ADGRG6: variants seen among roughly 807,000 people sequenced by gnomAD.
ADGRG6 encodes adhesion G protein-coupled receptor G6, also known as G-protein coupled receptor 126.
In ADGRG6, 84 loss-of-function variants were observed where a neutral mutation model predicts 142.4. That is an observed-to-expected ratio of 0.59 (90% CI 0.49 to 0.71). The LOEUF is 0.71. ADGRG6 is among the 30% of genes least tolerant of loss of function. ADGRG6 has a pLI of 0.00. For missense variants in ADGRG6, 1,367 were observed against 1,466.6 expected (o/e 0.93, Z 1.11); for synonymous variants, 521 against 520.5 (o/e 1.00, Z -0.01).
chr6:142,347,066 C>T (rs1779937611), intron 2 of ADGRG6, among the ~76,000 whole-genome samples: 1 of 151,944 alleles, frequency 6.6e-6, no homozygotes, highest in South Asian at 2.1e-4. Context: ...AAAGATTCAT[C>T]TAAATTAATA....
intron 22 of ADGRG6, among the ~76,000 whole-genome samples, chr6:142,422,349 A>G (rs1186675429): frequency 6.6e-6 from 1 of 151,786 alleles, no homozygotes; most frequent in Non-Finnish European, 1.5e-5. Flanking sequence ...AGAGTGTGAT[A>G]TTCCCCTTCC....
intron 2 of ADGRG6, among the ~76,000 whole-genome samples, chr6:142,315,425 G>C (rs1457999868): frequency 6.6e-6 from 1 of 151,920 alleles, no homozygotes; most frequent in Non-Finnish European, 1.5e-5. Context: ...CAGATGTAAT[G>C]AGCAAATATA....
chr6:142,395,142 A>T (rs1336511774), intron 9 of ADGRG6, among the ~76,000 whole-genome samples: 1 of 152,106 alleles, frequency 6.6e-6, no homozygotes, highest in Non-Finnish European at 1.5e-5. Context: ...TCATTTTTGT[A>T]TACATAGTAA....
At chr6:142,379,242 T>C (rs1192596170) in intron 4 of ADGRG6, among the ~76,000 whole-genome samples, 1 of 152,212 alleles carries the variant, frequency 6.6e-6, no homozygotes, top group Non-Finnish European at 1.5e-5. Flanking sequence ...TATTCTTCCT[T>C]TTTTCCTCTG....
At chr6:142,365,993 A>C (rs1583041923) in intron 2 of ADGRG6, among the ~76,000 whole-genome samples, 2 of 152,328 alleles carry the variant, frequency 1.3e-5, no homozygotes, top group Non-Finnish European at 2.9e-5. Flanking sequence ...TTGAAAGTTT[A>C]TGTGTCCATT....
chr6:142,308,609 A>T (rs558068641), intron 1 of ADGRG6, among the ~76,000 whole-genome samples: 1 of 151,650 alleles, frequency 6.6e-6, no homozygotes, highest in Non-Finnish European at 1.5e-5. Flanking sequence ...AGGCAAAGTA[A>T]CTCTCTCTCA....
chr6:142,321,286 T>C (rs1268358491), intron 2 of ADGRG6, among the ~76,000 whole-genome samples: 2 of 147,778 alleles, frequency 1.4e-5, no homozygotes, highest in African/African-American at 2.5e-5. Flanking sequence ...TAAGCATGCA[T>C]ACACACACAC....
rs1777878392 is a variant in ADGRG6, at chr6:142,444,048, C to T, written c.*533C>T. 2 of 152,182 alleles carry T rather than the reference C, an allele frequency of 1.3e-5. No homozygotes were observed. Among genetic ancestry groups the T allele is most frequent in the Non-Finnish European group, 2.9e-5 (2 of 68,034 alleles). 9.4% of individuals were successfully genotyped at this position (152,182 alleles called of 1,614,324 possible). Reference sequence around the variant, plus strand: ...CACAGGCAGAAAAGACTGTTTACTCCTTGACCCAAAGATTAAAAAGGATTT... The same window carrying T: ...CACAGGCAGAAAAGACTGTTTACTCTTTGACCCAAAGATTAAAAAGGATTT... On this transcript the variant is annotated 3_prime_UTR_variant, in exon 25 of 25. Coordinates refer to ENST00000367609, the MANE Select transcript of ADGRG6 (RefSeq NM_198569.3).
chr6:142,415,600 A>T (rs1228046903), intron 19 of ADGRG6, among the ~76,000 whole-genome samples, 196 bp from the exon 20 acceptor site: 1 of 152,196 alleles, frequency 6.6e-6, no homozygotes. Flanking sequence ...AAGTAAACTA[A>T]TATTTTTAAA....
rs1181314373 is a variant in ADGRG6 at position 142,338,017 on chromosome 6, GTTTTTTT to G, written c.103+28388_103+28394del. On this transcript the variant is annotated intron_variant, in intron 2 of 24. Coordinates refer to ENST00000367609, the MANE Select transcript of ADGRG6 (RefSeq NM_198569.3). ...AATCCTTTTTATGCCTTGTATCTTT[GTTTTTTT>G]TTTTTTTTTTTTTTGAGACGGAGTC... 4.0e-4 allele frequency among the ~76,000 whole-genome samples: 14 copies of G among 35,392 alleles called. 1 individual carries two copies. Among genetic ancestry groups the G allele is most frequent in the Non-Finnish European group, 5.2e-4 (11 of 21,222 alleles). 23.2% of individuals were successfully genotyped at this position (35,392 alleles called of 152,430 possible).
rs572285405 is a variant in ADGRG6 at position 142,415,649 on chromosome 6, C to T, written c.2670-147C>T. ...GCCAAATACTCATAAATATCCTTAG[C>T]CCCTCCTTTTAGCAGAACCACATCA... is the stretch of plus-strand genomic sequence containing the variant. On this transcript the variant is annotated intron_variant, in intron 19 of 24. Coordinates refer to ENST00000367609, the MANE Select transcript of ADGRG6 (RefSeq NM_198569.3). 15 of 599,188 alleles carry T rather than the reference C, an allele frequency of 2.5e-5. No individual in the cohort carries two copies. In the East Asian group the frequency reaches 3.6e-4, roughly 14 times the overall value. The allele number at this position is 599,188 out of a possible 1,614,324, so 37.1% of individuals were successfully genotyped here. A position where few individuals can be genotyped will look rare whatever the true frequency, so the allele number is the denominator to read the frequency against.
chr6:142,316,940 T>G (rs1423946487), intron 2 of ADGRG6, among the ~76,000 whole-genome samples: 1 of 152,080 alleles, frequency 6.6e-6, no homozygotes, highest in African/African-American at 2.4e-5. Context: ...AGGTCAATAT[T>G]AGTGTTTTAT....
intron 18 of ADGRG6, among the ~76,000 whole-genome samples, 186 bp from the exon 19 acceptor site, chr6:142,414,783 A>AT (rs758160096): frequency 2.6e-5 from 4 of 152,176 alleles, no homozygotes; most frequent in East Asian, 1.9e-4. Context: ...GTAATGCTGC[A>AT]TTTTTTTCTT....
chr6:142,396,164 A>G (rs1775184891), intron 9 of ADGRG6, among the ~76,000 whole-genome samples: 1 of 152,210 alleles, frequency 6.6e-6, no homozygotes, highest in Non-Finnish European at 1.5e-5. Context: ...GTAAAAGGTC[A>G]CATTCCCAGC....
Position 142,437,480 on chromosome 6 carries a change from G to A in ADGRG6, c.3366G>A (p.Gln1122=), listed in dbSNP as rs1171650791. The A allele has an allele frequency of 1.9e-6, 3 of 1,588,204 alleles. No homozygotes were observed. The highest frequency in any genetic ancestry group is 2.2e-5 in the South Asian group (2 of 90,568). ...ACTGTGCTATGAAGGAGAATGTTCA[G>A]AAACAGTGGCGGCAGCATCTCTGCT... The part of the protein sequence containing the change: ...IFHCAMKENV[Q]KQWRQHLCCG... Residue 1122 remains glutamine (Q), a synonymous_variant, in exon 23 of 25, where the codon CAG becomes CAA. Transcript: ENST00000367609.
At chr6:142,383,327 T>C (rs1313808294) in intron 5 of ADGRG6, among the ~76,000 whole-genome samples, 4 of 152,220 alleles carry the variant, frequency 2.6e-5, no homozygotes, top group African/African-American at 9.6e-5. Context: ...TTCTCTAGTC[T>C]CAGTGTATTA....
At chr6:142,302,617 A>G (rs1777284508) in intron 1 of ADGRG6, 1 of 430,244 alleles carries the variant, frequency 2.3e-6, no homozygotes. Context: ...CAGGGCTTCA[A>G]GAATGGGGAA....
At chr6:142,335,112 G>A (rs1299634021) in intron 2 of ADGRG6, among the ~76,000 whole-genome samples, 2 of 152,178 alleles carry the variant, frequency 1.3e-5, no homozygotes, top group Admixed American at 1.3e-4. Flanking sequence ...AGAGCTACAG[G>A]CAAATATTCT....
chr6:142,407,886 A>G (rs1775887418), intron 15 of ADGRG6, among the ~76,000 whole-genome samples: 1 of 152,206 alleles, frequency 6.6e-6, no homozygotes, highest in African/African-American at 2.4e-5. Flanking sequence ...TAACTGGCTG[A>G]CATCAGTCAC....
Sources: gnomAD v4.1 joint callset for allele counts (sites outside exome capture counted in the v4.1 genomes callset) on GRCh38, gnomAD v4.1.1 for gene constraint, MANE v1.5 for transcripts, NCBI Gene and HGNC (gene_info 2026-07-23, HGNC 2026-07-21) for gene names.